GATC: variants seen among roughly 807,000 people sequenced by gnomAD.
The protein encoded by GATC is glutamyl-tRNA amidotransferase subunit C, also known as glutamyl-tRNA(Gln) amidotransferase subunit C, mitochondrial.
Under a neutral mutation model 14.4 loss-of-function variants are expected in GATC, and 11 were observed. That is an observed-to-expected ratio of 0.77 (90% CI 0.48 to 1.27). The LOEUF is 1.27. Among genes scored for constraint, GATC ranks in the 50% most tolerant of loss-of-function variants. The probability of loss-of-function intolerance (pLI) is 0.00; values close to 1 mark genes in which losing one functional copy is unlikely to be tolerated. For missense variants in GATC, 204 were observed against 183.0 expected, an observed-to-expected ratio of 1.11 and a Z score of -0.66; for synonymous variants, 76 against 79.3, an observed-to-expected ratio of 0.96 and a Z score of 0.22.
rs1878388768 is a variant in GATC at position 120,462,855 on chromosome 12, G to A, written c.*2896G>A. The A allele has an allele frequency of 6.6e-6, 1 of 152,204 alleles. No individual in the cohort carries two copies. The highest frequency in any genetic ancestry group is 2.4e-5 in the African/African-American group (1 of 41,436). 9.4% of individuals were successfully genotyped at this position (152,204 alleles called of 1,614,324 possible). On this transcript the variant is annotated 3_prime_UTR_variant, in exon 4 of 4. Coordinates refer to ENST00000551765, the MANE Select transcript of GATC (RefSeq NM_176818.3). ...GAAGCCGGATGCTTTTTCACCTTAG[G>A]TGAAAGTCAGTAATTGGAGTTACCC...
In GATC at chr12:120,457,090, G is replaced by A; in HGVS notation, c.269G>A (p.Arg90Lys). ...SVLEDRCLYLRSDNVVEGNCA... is the reference protein window; with the variant it reads ...SVLEDRCLYLKSDNVVEGNCA... ...GGGTTTTGTAGATGTCTATACCTGAGATCCGACAATGTGGTAGAAGGCAAC... is the reference window on the plus strand; with the variant it reads ...GGGTTTTGTAGATGTCTATACCTGAAATCCGACAATGTGGTAGAAGGCAAC... Residue 90 changes from arginine (R) to lysine (K), a missense_variant, in exon 3 of 4, where the codon AGA becomes AAA. Arg to Lys is a conservative substitution (Grantham distance 26). Coordinates refer to ENST00000551765, the MANE Select transcript of GATC (RefSeq NM_176818.3). 2 of 1,613,330 alleles carry A rather than the reference G, an allele frequency of 1.2e-6. No individual in the cohort carries two copies. The highest frequency in any genetic ancestry group is 8.5e-7 in the Non-Finnish European group (1 of 1,179,338).
At chr12:120,451,895 T>C (rs1185743587) in intron 2 of GATC, among the ~76,000 whole-genome samples, 2 of 143,988 alleles carry the variant, frequency 1.4e-5, no homozygotes, top group East Asian at 4.1e-4. Context: ...TTTTTTTTTT[T>C]GAGCTGGAGT....
chr12:120,455,191 T>C (rs1185998423), intron 2 of GATC, among the ~76,000 whole-genome samples: 1 of 151,352 alleles, frequency 6.6e-6, no homozygotes. Flanking sequence ...CCTTTTTTTT[T>C]TTCTTCTTGC....
At chr12:120,459,063 T>C (rs1878259073) in intron 3 of GATC, among the ~76,000 whole-genome samples, 1 of 152,142 alleles carries the variant, frequency 6.6e-6, no homozygotes, top group South Asian at 2.1e-4. Context: ...GGTTTCACCG[T>C]GTTAGCCAGG....
Position 120,462,212 on chromosome 12 carries a change from CAGA to C in GATC, c.*2258_*2260del, listed in dbSNP as rs1878365218. The C allele has an allele frequency of 1.3e-6, 2 of 1,554,756 alleles. No individual in the cohort carries two copies. The highest frequency in any genetic ancestry group is 1.8e-4 in the Middle Eastern group (1 of 5,600). On this transcript the variant is annotated 3_prime_UTR_variant, in exon 4 of 4. Coordinates refer to ENST00000551765, the MANE Select transcript of GATC (RefSeq NM_176818.3). ...GAGTAAAGGGGAAAAAAATCAGAGC[CAGA>C]AGAATAAGCAAACCAACATCTAACA... is the stretch of plus-strand genomic sequence containing the variant.
chr12:120,458,020 T>C (rs1183935326), intron 3 of GATC, among the ~76,000 whole-genome samples: 1 of 152,022 alleles, frequency 6.6e-6, no homozygotes. Flanking sequence ...TGCTACCCTA[T>C]CAGTGTTGCC....
rs920936826 is a variant in GATC at position 120,460,028 on chromosome 12, G to C, written c.*69G>C. Reference sequence around the variant, plus strand: ...CATAATGACAGTATTTTTTTACTGTGAATACTAATGTTCCTGCTTTTTTCA... The same window carrying C: ...CATAATGACAGTATTTTTTTACTGTCAATACTAATGTTCCTGCTTTTTTCA... On this transcript the variant is annotated 3_prime_UTR_variant, in exon 4 of 4. Coordinates refer to ENST00000551765, the MANE Select transcript of GATC (RefSeq NM_176818.3). 6.9e-6 allele frequency: 8 copies of C among 1,158,760 alleles called. No individual in the cohort carries two copies. In the African/African-American group the frequency reaches 1.1e-4, roughly 16 times the overall value. 71.8% of individuals were successfully genotyped at this position (1,158,760 alleles called of 1,614,324 possible). A position where few individuals can be genotyped will look rare whatever the true frequency, so the allele number is the denominator to read the frequency against.
chr12:120,456,892 C>T (rs562346701), intron 2 of GATC, among the ~76,000 whole-genome samples, 184 bp from the exon 3 acceptor site: 3 of 152,278 alleles, frequency 2.0e-5, no homozygotes, highest in South Asian at 2.1e-4. Flanking sequence ...CAGGGTTGTT[C>T]GGTCAATCTA....
rs1299374890 is a variant in GATC at position 120,462,145 on chromosome 12, G to A, written c.*2186G>A. On this transcript the variant is annotated 3_prime_UTR_variant, in exon 4 of 4. Transcript: ENST00000551765. ...TGGTGCTTCTCTCAGGATAAACTCG[G>A]ATGTAGGAAGTTTCACCCTGAAATG... is the stretch of plus-strand genomic sequence containing the variant. 3 of 1,611,776 alleles carry A rather than the reference G, an allele frequency of 1.9e-6. No homozygotes were observed. The highest frequency in any genetic ancestry group is 1.1e-5 in the South Asian group (1 of 90,634).
rs559570908 is a variant in GATC, at chr12:120,460,313, G to A, written c.*354G>A. On this transcript the variant is annotated 3_prime_UTR_variant, in exon 4 of 4. Transcript: ENST00000551765. ...TTTTCTATCTACGTAACTGGTAGAC[G>A]GAGCATCTTGATCACTATGTGACAA... is the stretch of plus-strand genomic sequence containing the variant. The A allele has an allele frequency of 4.6e-5, 8 of 173,808 alleles. No individual in the cohort carries two copies. The highest frequency in any genetic ancestry group is 1.3e-4 in the South Asian group (1 of 7,456). The allele number at this position is 173,808 out of a possible 1,614,324, so 10.8% of individuals were successfully genotyped here.
At chr12:120,455,696 T>C (rs1054993000) in intron 2 of GATC, among the ~76,000 whole-genome samples, 34 of 151,648 alleles carry the variant, frequency 2.2e-4, no homozygotes, top group African/African-American at 7.5e-4. Context: ...TTAGTTCTCT[T>C]TTTTTTTGAG....
chr12:120,463,623 T>A lies in GATC; in HGVS notation c.*3664T>A, dbSNP rs1238990006. The A allele has an allele frequency of 1.1e-5, 2 of 185,210 alleles. No individual in the cohort carries two copies. Among genetic ancestry groups the A allele is most frequent in the Admixed American group, 5.7e-5 (1 of 17,554 alleles). The allele number at this position is 185,210 out of a possible 1,614,324, so 11.5% of individuals were successfully genotyped here. A position where few individuals can be genotyped will look rare whatever the true frequency, so the allele number is the denominator to read the frequency against. ...TGAGTTCACAGAGGGATACTGCCAT[T>A]TAAGCTGGTTGTGAATGGGGTGGTA... On this transcript the variant is annotated 3_prime_UTR_variant, in exon 4 of 4. Transcript: ENST00000551765.
chr12:120,451,888 T>C (rs113265789), intron 2 of GATC, among the ~76,000 whole-genome samples: 22,049 of 69,294 alleles, frequency 0.32, 3,375 homozygotes, highest in African/African-American at 0.49. Flanking sequence ...TTTTTTTTTT[T>C]TTTTTTTGAG....
rs374791483 is a variant in GATC at position 120,457,705 on chromosome 12, C to T, written c.358+526C>T. Reference sequence around the variant, plus strand: ...CACCGCAACCTCCACCTCCCGGGTTCAAGCGATTCTCCTGCTCAGGCTCCC... The same window carrying T: ...CACCGCAACCTCCACCTCCCGGGTTTAAGCGATTCTCCTGCTCAGGCTCCC... On this transcript the variant is annotated intron_variant, in intron 3 of 3. Coordinates refer to ENST00000551765, the MANE Select transcript of GATC (RefSeq NM_176818.3). 1.1e-4 allele frequency among the ~76,000 whole-genome samples: 16 copies of T among 148,390 alleles called. No individual in the cohort carries two copies. The East Asian group carries it at 3.2e-3, about 30-fold the overall frequency.
At chr12:120,449,262 T>G (rs893391171) in intron 2 of GATC, among the ~76,000 whole-genome samples, 1 of 152,052 alleles carries the variant, frequency 6.6e-6, no homozygotes, top group Admixed American at 6.6e-5. Context: ...CTGGCTATAC[T>G]TAGGTTCTCT....
chr12:120,455,122 AT>A (rs1479926665), intron 2 of GATC: 3 of 251,126 alleles, frequency 1.2e-5, no homozygotes, highest in Non-Finnish European at 2.7e-5. Flanking sequence ...ACCTCAGGTG[AT>A]CCACCTGCTT....
chr12:120,459,874 A>AAACAAAAATTCTCTTTT (rs1156444007), intron 3 of GATC, 33 bp from the exon 4 acceptor site: 1 of 1,575,724 alleles, frequency 6.3e-7, no homozygotes, highest in African/African-American at 1.4e-5. Flanking sequence ...ACAAACAAAC[A>AAACAAAAATTCTCTTTT]AACAAAAATT....
chr12:120,452,477 A>ACTCTTAGGCTCAAGCCATCCTC (rs1313703763), intron 2 of GATC, among the ~76,000 whole-genome samples: 1 of 151,292 alleles, frequency 6.6e-6, no homozygotes, highest in African/African-American at 2.4e-5. Flanking sequence ...AAAACTTCAA[A>ACTCTTAGGCTCAAGCCATCCTC]CTCTTAGGCT....
intron 3 of GATC, among the ~76,000 whole-genome samples, chr12:120,457,839 T>G (rs1878228267): frequency 6.6e-6 from 1 of 152,108 alleles, no homozygotes; most frequent in Non-Finnish European, 1.5e-5. Context: ...TCTCCCGACC[T>G]CAGGTGATCC....
Sources: allele counts gnomAD v4.1 joint callset (sites outside exome capture counted in the v4.1 genomes callset), GRCh38; gene constraint gnomAD v4.1.1; transcripts MANE v1.5; gene names NCBI Gene and HGNC (gene_info 2026-07-23, HGNC 2026-07-21).